Variants in ANKFY1 observed in about 807,000 individuals in gnomAD.
ANKFY1 encodes the protein ankyrin repeat and FYVE domain containing 1, also known as ankyrin repeat and FYVE domain-containing protein 1.
In ANKFY1, 47 loss-of-function variants were observed where a neutral mutation model predicts 128.3. The observed-to-expected ratio is 0.37, with a 90% CI of 0.29 to 0.47. The LOEUF (loss-of-function observed/expected upper bound fraction) is 0.47, where lower values mean the gene tolerates loss of function less well. ANKFY1 is among the 20% of genes least tolerant of loss of function. ANKFY1 has a pLI of 1.00. For synonymous variants in ANKFY1, 553 were observed against 601.6 expected, an observed-to-expected ratio of 0.92 and a Z score of 1.18; for missense variants, 1,222 against 1,510.6, an observed-to-expected ratio of 0.81 and a Z score of 3.17.
At chr17:4,200,440 G>A (rs1219696876) in intron 7 of ANKFY1, among the ~76,000 whole-genome samples, 1 of 152,182 alleles carries the variant, frequency 6.6e-6, no homozygotes. Context: ...AAGTCCCCAT[G>A]TGTGACTCTG....
chr17:4,242,558 A>C (rs1967300937), intron 1 of ANKFY1, 110 bp from the exon 2 acceptor site: 3 of 930,068 alleles, frequency 3.2e-6, no homozygotes, highest in African/African-American at 1.7e-5. Flanking sequence ...TGGCCACTTG[A>C]CCGTTCCACT....
chr17:4,209,981 T>C lies in ANKFY1; in HGVS notation c.459-34A>G, dbSNP rs369302485. 49 of 1,586,216 alleles carry C rather than the reference T, an allele frequency of 3.1e-5. No individual in the cohort carries two copies. In the African/African-American group the frequency reaches 6.3e-4, roughly 20 times the overall value. On this transcript the variant is annotated intron_variant, in intron 4 of 24. Transcript: ENST00000341657. ...GAGTATTCATCATGAGGAGTATTAC[T>C]GGACAAATAATTCACAAACGAACAA...
rs372777992 is a variant in ANKFY1 at position 4,216,891 on chromosome 17, A to G, written c.458+92T>C. ...AGGAACACCTTGCCAAGTTATTTAC[A>G]TTAGCAGAAGAAGCTGTTTTCCCAG... On this transcript the variant is annotated intron_variant, in intron 4 of 24. Coordinates refer to ENST00000341657, the MANE Select transcript of ANKFY1 (RefSeq NM_001330063.2). 3,939 of 1,555,428 alleles carry G rather than the reference A, an allele frequency of 2.5e-3. 11 individuals carry two copies. The highest frequency in any genetic ancestry group is 8.7e-3 in the Middle Eastern group (52 of 5,968).
At chr17:4,230,998 T>C (rs2060504445) in intron 3 of ANKFY1, among the ~76,000 whole-genome samples, 1 of 152,196 alleles carries the variant, frequency 6.6e-6, no homozygotes, top group Non-Finnish European at 1.5e-5. Context: ...GTAATACCCT[T>C]TTTATGGCCA....
intron 2 of ANKFY1, among the ~76,000 whole-genome samples, chr17:4,239,250 T>G (rs1223981635): frequency 6.6e-6 from 1 of 152,188 alleles, no homozygotes; most frequent in African/African-American, 2.4e-5. Context: ...TGATGGGCAT[T>G]CTAATGGGAA....
intron 3 of ANKFY1, among the ~76,000 whole-genome samples, chr17:4,221,825 C>G (rs2060319018): frequency 6.6e-6 from 1 of 152,172 alleles, no homozygotes; most frequent in South Asian, 2.1e-4. Context: ...CCATGTTGGT[C>G]AGGCTGGTCT....
chr17:4,205,098 A>G (rs556228837), intron 7 of ANKFY1, among the ~76,000 whole-genome samples: 42 of 152,254 alleles, frequency 2.8e-4, no homozygotes, highest in Non-Finnish European at 5.4e-4. Flanking sequence ...AGCACAGACA[A>G]TAATAGTATA....
Position 4,195,025 on chromosome 17 carries a change from C to G in ANKFY1, c.1325G>C (p.Arg442Thr). Residue 442 changes from arginine (R) to threonine (T), a missense_variant, in exon 10 of 25, where the codon AGA (arginine) becomes ACA (threonine). Physicochemically the swap from Arg to Thr is moderately conservative, Grantham distance 71 (BLOSUM62 -1). Coordinates refer to ENST00000341657, the MANE Select transcript of ANKFY1 (RefSeq NM_001330063.2). ...TGTGTGGCTGCCGCGCTGGATGAGTCTGGCTGCAAAGCTGTTCTCATCAAA... is the reference window on the plus strand; with the variant it reads ...TGTGTGGCTGCCGCGCTGGATGAGTGTGGCTGCAAAGCTGTTCTCATCAAA... ...TSFDENSFAA[R>T]LIQRGSHTDA... 1 of 1,614,192 alleles carries G rather than the reference C, an allele frequency of 6.2e-7. No individual in the cohort carries two copies. Among genetic ancestry groups the G allele is most frequent in the Non-Finnish European group, 8.5e-7 (1 of 1,180,048 alleles).
intron 11 of ANKFY1, 93 bp from the exon 12 acceptor site, chr17:4,185,139 G>A: frequency 9.1e-7 from 1 of 1,094,946 alleles, no homozygotes; most frequent in Non-Finnish European, 1.3e-6. Context: ...CGGGTCCTTG[G>A]CTCATCCTGC....
chr17:4,206,980 C>G (rs899262958), intron 6 of ANKFY1, among the ~76,000 whole-genome samples: 3 of 152,172 alleles, frequency 2.0e-5, no homozygotes, highest in Non-Finnish European at 1.5e-5. Flanking sequence ...TCACCCCCCC[C>G]AAAGACGGAC....
intron 1 of ANKFY1, among the ~76,000 whole-genome samples, chr17:4,262,761 C>T (rs911984216): frequency 2.6e-5 from 4 of 152,222 alleles, no homozygotes; most frequent in Non-Finnish European, 5.9e-5. Flanking sequence ...CACACACACA[C>T]ACCCCCCAAA....
At chr17:4,247,973 T>C (rs1235537283) in intron 1 of ANKFY1, among the ~76,000 whole-genome samples, 1 of 152,224 alleles carries the variant, frequency 6.6e-6, no homozygotes. Context: ...CAGTCCTGTG[T>C]TGCAAGATTC....
intron 4 of ANKFY1, among the ~76,000 whole-genome samples, chr17:4,210,426 C>A (rs1177128088): frequency 1.3e-5 from 2 of 152,052 alleles, no homozygotes; most frequent in African/African-American, 4.8e-5. Context: ...AAAGCTCTCC[C>A]GGCTGGGTGC....
chr17:4,189,915 A>G (rs1199060080), intron 10 of ANKFY1, among the ~76,000 whole-genome samples: 1 of 152,064 alleles, frequency 6.6e-6, no homozygotes, highest in African/African-American at 2.4e-5. Flanking sequence ...GTGGACACAG[A>G]GGCTAGGGAA....
At chr17:4,235,477 C>T (rs541271112) in intron 3 of ANKFY1, among the ~76,000 whole-genome samples, 125 of 151,820 alleles carry the variant, frequency 8.2e-4, no homozygotes, top group African/African-American at 2.8e-3. Context: ...CATATTTTTT[C>T]ATGAAATGAG....
intron 3 of ANKFY1, among the ~76,000 whole-genome samples, chr17:4,224,002 T>C (rs1402308375): frequency 6.6e-6 from 1 of 152,258 alleles, no homozygotes; most frequent in Non-Finnish European, 1.5e-5. Flanking sequence ...TTTCTAGATA[T>C]CACTTTTATT....
intron 2 of ANKFY1, among the ~76,000 whole-genome samples, chr17:4,238,267 T>C (rs1281615200): frequency 6.6e-6 from 1 of 151,266 alleles, no homozygotes; most frequent in African/African-American, 2.4e-5. Flanking sequence ...ATAAAAATAC[T>C]ATTTAAATCT....
Position 4,216,987 on chromosome 17 carries a change from C to G in ANKFY1, c.454G>C (p.Glu152Gln). The G allele has an allele frequency of 6.2e-7, 1 of 1,614,124 alleles. No homozygotes were observed. Among genetic ancestry groups the G allele is most frequent in the Non-Finnish European group, 8.5e-7 (1 of 1,180,008 alleles). The change falls in exon 4 of 25, where the codon GAG becomes CAG. Residue 152 changes from glutamate to glutamine, a missense_variant. Transcript: ENST00000341657. ...AATATATCTGCTGTGACTTGCCTCT[C>G]CCTGAGGAGCTGTAGCTGAAACCGA... Reference protein sequence around the residue: ...ANRFQLQLLRERCEKGVMSLV... With the variant: ...ANRFQLQLLRQRCEKGVMSLV...
At chr17:4,193,578 C>T (rs918260912) in intron 10 of ANKFY1, among the ~76,000 whole-genome samples, 1 of 151,718 alleles carries the variant, frequency 6.6e-6, no homozygotes, top group Non-Finnish European at 1.5e-5. Context: ...CAGGCATCGC[C>T]ATCACGCCCG....
Sources: gnomAD v4.1 joint callset for allele counts (sites outside exome capture counted in the v4.1 genomes callset) on GRCh38, gnomAD v4.1.1 for gene constraint, MANE v1.5 for transcripts, NCBI Gene and HGNC (gene_info 2026-07-23, HGNC 2026-07-21) for gene names.